Variants in MYOZ2 observed in about 807,000 individuals in gnomAD.
MYOZ2 encodes the protein myozenin 2, also known as myozenin-2.
MYOZ2 carries 19 observed loss-of-function variants against 25.4 expected under a neutral mutation model. The ratio of observed to expected loss-of-function variants is 0.75; its 90% confidence interval spans 0.52 to 1.10. MYOZ2 has a LOEUF of 1.10. Among genes scored for constraint, MYOZ2 ranks in the 50% least tolerant of loss-of-function variants. The pLI, the probability that MYOZ2 is intolerant of heterozygous loss-of-function variation, is 0.00. For synonymous variants in MYOZ2, 92 were observed against 106.9 expected, an observed-to-expected ratio of 0.86 and a Z score of 0.86; for missense variants, 270 against 317.9, an observed-to-expected ratio of 0.85 and a Z score of 1.15.
chr4:119,172,277 TA>T (rs1741962554), intron 5 of MYOZ2, among the ~76,000 whole-genome samples: 1 of 152,200 alleles, frequency 6.6e-6, no homozygotes, highest in African/African-American at 2.4e-5. Context: ...CGATAGAGTT[TA>T]ATTCACGCAG....
chr4:119,185,842 T>C (rs1238661540), intron 5 of MYOZ2, 124 bp from the exon 6 acceptor site: 11 of 780,402 alleles, frequency 1.4e-5, no homozygotes, highest in Non-Finnish European at 1.9e-5. Context: ...AGAATATAAG[T>C]AAGCCCATAA....
At chr4:119,143,637 C>T (rs1055251838) in intron 2 of MYOZ2, among the ~76,000 whole-genome samples, 3 of 152,212 alleles carry the variant, frequency 2.0e-5, no homozygotes, top group Non-Finnish European at 4.4e-5. Flanking sequence ...GTATATCTGC[C>T]ATTACAGCAT....
At chr4:119,153,539 T>C (rs1159971521) in intron 3 of MYOZ2, among the ~76,000 whole-genome samples, 1 of 152,104 alleles carries the variant, frequency 6.6e-6, no homozygotes, top group Non-Finnish European at 1.5e-5. Context: ...TCTGATTTAT[T>C]GACTACATTT....
At chr4:119,180,754 C>T (rs1742172106) in intron 5 of MYOZ2, among the ~76,000 whole-genome samples, 1 of 152,110 alleles carries the variant, frequency 6.6e-6, no homozygotes. Flanking sequence ...CGGGGTTTCA[C>T]CATGTTGGCC....
chr4:119,137,230 G>T (rs927993439), intron 2 of MYOZ2, among the ~76,000 whole-genome samples: 17 of 151,978 alleles, frequency 1.1e-4, no homozygotes, highest in African/African-American at 3.9e-4. Context: ...TATATATTAC[G>T]TGCAAGGTAA....
rs550220279 is a variant in MYOZ2, at chr4:119,142,822, C to G, written c.76+6221C>G. ...GATGAGTTGCTGTATAAACTTCTTC[C>G]CCGCTGCTGTTTCCTCTATTATTAG... On this transcript the variant is annotated intron_variant, in intron 2 of 5. Coordinates refer to ENST00000307128, the MANE Select transcript of MYOZ2 (RefSeq NM_016599.5). Among the ~76,000 whole-genome samples the G allele has an allele frequency of 6.6e-5, 10 of 152,244 alleles. 1 individual carries two copies. In the South Asian group the frequency reaches 1.9e-3, roughly 28 times the overall value.
At chr4:119,178,244 G>GT (rs1207545332) in intron 5 of MYOZ2, among the ~76,000 whole-genome samples, 7 of 152,006 alleles carry the variant, frequency 4.6e-5, no homozygotes, top group Admixed American at 4.6e-4. Context: ...TCCAAACTCC[G>GT]TATGTTAGGA....
At chr4:119,185,487 G>A (rs771986538) in intron 5 of MYOZ2, among the ~76,000 whole-genome samples, 7 of 151,976 alleles carry the variant, frequency 4.6e-5, no homozygotes, top group Non-Finnish European at 8.8e-5. Context: ...GCTAATTTTT[G>A]TAATTTTAGT....
At chr4:119,145,604 G>A (rs1019337930) in intron 2 of MYOZ2, among the ~76,000 whole-genome samples, 1 of 150,888 alleles carries the variant, frequency 6.6e-6, no homozygotes, top group African/African-American at 2.4e-5. Context: ...GAACTCTTGA[G>A]CTCAAGCAAT....
intron 5 of MYOZ2, among the ~76,000 whole-genome samples, chr4:119,173,640 C>G (rs758144289): frequency 6.6e-6 from 1 of 152,224 alleles, no homozygotes; most frequent in Non-Finnish European, 1.5e-5. Context: ...AGCCCTCGCT[C>G]GCTCTCGGCA....
chr4:119,180,816 A>G (rs1243473329), intron 5 of MYOZ2, among the ~76,000 whole-genome samples: 1 of 152,134 alleles, frequency 6.6e-6, no homozygotes, highest in Non-Finnish European at 1.5e-5. Flanking sequence ...TCGGCCTCCC[A>G]AAGTGCTGGG....
At chr4:119,158,180 T>C (rs758830290) in intron 4 of MYOZ2, 29 bp downstream of exon 4, 2 of 1,612,840 alleles carry the variant, frequency 1.2e-6, no homozygotes, top group East Asian at 2.2e-5. Context: ...AACAGAGCAA[T>C]AAAATTTCTG....
rs191041175 is a variant in MYOZ2, at chr4:119,154,062, G to A, written c.246+3021G>A. 1.0e-3 allele frequency among the ~76,000 whole-genome samples: 156 copies of A among 152,026 alleles called. 1 individual carries two copies. Among genetic ancestry groups the A allele is most frequent in the African/African-American group, 3.5e-3 (145 of 41,502 alleles). The stretch of plus-strand genomic sequence containing the variant: ...TCACTAGAAATCTTAAATACTACTG[G>A]GAAAAGGGGAATTATACTATTAAAA... On this transcript the variant is annotated intron_variant, in intron 3 of 5. Transcript: ENST00000307128.
At chr4:119,148,168 T>C (rs1259359360) in intron 2 of MYOZ2, among the ~76,000 whole-genome samples, 2 of 152,204 alleles carry the variant, frequency 1.3e-5, no homozygotes, top group African/African-American at 4.8e-5. Flanking sequence ...AAAAATATGG[T>C]ACAACTTCCT....
intron 5 of MYOZ2, among the ~76,000 whole-genome samples, chr4:119,168,720 C>A (rs191080567): frequency 2.0e-5 from 3 of 149,720 alleles, no homozygotes; most frequent in Non-Finnish European, 4.4e-5. Context: ...CAAAAAACCA[C>A]CTGAGCAGAT....
chr4:119,164,763 C>T (rs1485503492), intron 5 of MYOZ2, among the ~76,000 whole-genome samples: 1 of 152,052 alleles, frequency 6.6e-6, no homozygotes, highest in African/African-American at 2.4e-5. Flanking sequence ...ATAAATAATT[C>T]ACATGCAAGG....
At chr4:119,148,437 G>A (rs1741359587) in intron 2 of MYOZ2, among the ~76,000 whole-genome samples, 1 of 151,902 alleles carries the variant, frequency 6.6e-6, no homozygotes, top group South Asian at 2.1e-4. Flanking sequence ...TACTTTTCCA[G>A]CCTCCCCTTA....
At chr4:119,169,167 T>C (rs1368566542) in intron 5 of MYOZ2, among the ~76,000 whole-genome samples, 1 of 152,242 alleles carries the variant, frequency 6.6e-6, no homozygotes, top group Non-Finnish European at 1.5e-5. Flanking sequence ...TATTTGAAAC[T>C]AAAGTATGTA....
Position 119,186,116 on chromosome 4 carries a change from G to C in MYOZ2, c.711G>C (p.Lys237Asn). Residue 237 changes from lysine to asparagine, a missense_variant, in exon 6 of 6, where the codon AAG (lysine) becomes AAC (asparagine). Transcript: ENST00000307128. Reference sequence around the variant, plus strand: ...GACGGTCCTTTAATAGGACTCCTAAGGGATGGATATCTGAGAATATTCCTA... The same window carrying C: ...GACGGTCCTTTAATAGGACTCCTAACGGATGGATATCTGAGAATATTCCTA... Reference protein sequence around the residue: ...SGRRSFNRTPKGWISENIPIV... With the variant: ...SGRRSFNRTPNGWISENIPIV... 6.2e-7 allele frequency: 1 copy of C among 1,613,892 alleles called. No individual in the cohort carries two copies. Among genetic ancestry groups the C allele is most frequent in the Non-Finnish European group, 8.5e-7 (1 of 1,179,936 alleles).
Sources: allele counts gnomAD v4.1 joint callset (sites outside exome capture counted in the v4.1 genomes callset), GRCh38; gene constraint gnomAD v4.1.1; transcripts MANE v1.5; gene names NCBI Gene and HGNC (gene_info 2026-07-23, HGNC 2026-07-21).